Variants in FRYL observed in about 807,000 individuals in gnomAD.
FRYL encodes protein furry homolog-like.
Under a neutral mutation model 351.2 loss-of-function variants are expected in FRYL, and 150 were observed. The ratio of observed to expected loss-of-function variants is 0.43; its 90% CI spans 0.37 to 0.49. The LOEUF (loss-of-function observed/expected upper bound fraction) is 0.49, where lower values mean the gene tolerates loss of function less well. Among genes scored for constraint, FRYL ranks in the 20% least tolerant of loss-of-function variants. FRYL has a pLI of 0.00. For missense variants in FRYL, 3,036 were observed against 3,619.3 expected (o/e 0.84, Z 4.13); for synonymous variants, 1,153 against 1,257.1 (o/e 0.92, Z 1.75).
chr4:48,765,201 T>C lies in FRYL; in HGVS notation c.-384+14877A>G, dbSNP rs114901067. Among the ~76,000 whole-genome samples, 487 of 152,200 alleles carry C rather than the reference T, an allele frequency of 3.2e-3. 5 individuals are homozygous for C. Among genetic ancestry groups the C allele is most frequent in the African/African-American group, 0.011 (477 of 41,526 alleles). On this transcript the variant is annotated intron_variant, in intron 1 of 63. Coordinates refer to ENST00000358350, the MANE Select transcript of FRYL (RefSeq NM_015030.2). Reference sequence around the variant, plus strand: ...CAAAGGGCCCCAAATGCTAGAGCAATCTTGACCAAAAACAACAAAACTGAA... The same window carrying C: ...CAAAGGGCCCCAAATGCTAGAGCAACCTTGACCAAAAACAACAAAACTGAA...
intron 39 of FRYL, among the ~76,000 whole-genome samples, 180 bp from the exon 40 acceptor site, chr4:48,548,973 T>C (rs1314471729): frequency 2.6e-5 from 4 of 152,174 alleles, no homozygotes; most frequent in Non-Finnish European, 4.4e-5. Flanking sequence ...GTTAAAGAGA[T>C]GGAACAGAAC....
At chr4:48,587,888 T>C (rs1266729207) in intron 18 of FRYL, among the ~76,000 whole-genome samples, 2 of 152,164 alleles carry the variant, frequency 1.3e-5, no homozygotes, top group African/African-American at 2.4e-5. Context: ...ACCTAGAGAT[T>C]TCATATAGTC....
chr4:48,689,241 C>A (rs1765466525), intron 2 of FRYL, among the ~76,000 whole-genome samples: 1 of 152,152 alleles, frequency 6.6e-6, no homozygotes, highest in South Asian at 2.1e-4. Flanking sequence ...AGCAAATTTT[C>A]CATTCACAAT....
chr4:48,749,887 C>T (rs1773069438), intron 1 of FRYL, among the ~76,000 whole-genome samples: 2 of 152,138 alleles, frequency 1.3e-5, no homozygotes, highest in South Asian at 2.1e-4. Context: ...AACCCCAGTA[C>T]TTTGGGAGGT....
intron 1 of FRYL, among the ~76,000 whole-genome samples, chr4:48,775,296 A>G (rs761634790): frequency 6.6e-6 from 1 of 152,164 alleles, no homozygotes; most frequent in African/African-American, 2.4e-5. Context: ...CACATGTTCC[A>G]CTCTGCACTG....
At chr4:48,547,387 T>C in intron 41 of FRYL, 197 bp downstream of exon 41, 2 of 394,642 alleles carry the variant, frequency 5.1e-6, no homozygotes, top group African/African-American at 2.1e-5. Flanking sequence ...TCGTTCGAGG[T>C]AATGCAGACT....
Position 48,510,084 on chromosome 4 carries a change from T to C in FRYL, c.8369A>G (p.Asn2790Ser), listed in dbSNP as rs75272765. The C allele has an allele frequency of 3.0e-4, 489 of 1,613,278 alleles. 1 individual carries two copies. Among genetic ancestry groups the C allele is most frequent in the Non-Finnish European group, 3.9e-4 (465 of 1,179,316 alleles). ...LELQEHLDTY[N>S]VKREAAEQWL... ...CTGCTCAGCGGCTTCTCTTTTCACATTGTATGTATCCAGGTGTTCTTGCAA... is the reference window on the plus strand; with the variant it reads ...CTGCTCAGCGGCTTCTCTTTTCACACTGTATGTATCCAGGTGTTCTTGCAA... The change falls in exon 59 of 64, where the codon AAT (asparagine) becomes AGT (serine). Residue 2790 changes from asparagine (N) to serine (S), a missense_variant. By Grantham distance (46) the Asn-to-Ser change is conservative. Coordinates refer to ENST00000358350, the MANE Select transcript of FRYL (RefSeq NM_015030.2).
intron 3 of FRYL, among the ~76,000 whole-genome samples, chr4:48,655,576 C>A (rs1352959347): frequency 2.7e-5 from 4 of 150,392 alleles, no homozygotes; most frequent in African/African-American, 9.8e-5. Context: ...ATAATACAAT[C>A]CTCTTTTCAT....
rs1172688223 is a variant in FRYL, at chr4:48,549,337, A to G, written c.4784+136T>C. 7.4e-6 allele frequency: 4 copies of G among 543,648 alleles called. No homozygotes were observed. Among genetic ancestry groups the G allele is most frequent in the Non-Finnish European group, 1.2e-5 (4 of 339,532 alleles). The allele number at this position is 543,648 out of a possible 1,614,324, so 33.7% of individuals were successfully genotyped here. A position where few individuals can be genotyped will look rare whatever the true frequency, so the allele number is the denominator to read the frequency against. ...GAGTTTTTTAGATTTCTTAGAATCT[A>G]AACACATTGATCTGTGTTGCAGTAT... On this transcript the variant is annotated intron_variant, in intron 39 of 63. Transcript: ENST00000358350. The surrounding 1 kb of genome is among the most constrained non-coding windows in gnomAD (Gnocchi z 4.2).
intron 3 of FRYL, among the ~76,000 whole-genome samples, chr4:48,672,336 T>A (rs566695972): frequency 6.6e-6 from 1 of 152,148 alleles, no homozygotes; most frequent in South Asian, 2.1e-4. Context: ...CTGTAGGTAT[T>A]CCCAATATTC....
At chr4:48,610,115 G>A (rs560665894) in intron 7 of FRYL, among the ~76,000 whole-genome samples, 1 of 152,172 alleles carries the variant, frequency 6.6e-6, no homozygotes, top group East Asian at 1.9e-4. Flanking sequence ...TTTACTGTCA[G>A]CAAACTAAAA....
intron 19 of FRYL, among the ~76,000 whole-genome samples, chr4:48,585,051 A>AT (rs1419489819): frequency 6.6e-6 from 1 of 150,500 alleles, no homozygotes; most frequent in Non-Finnish European, 1.5e-5. Context: ...TTACAGTTTC[A>AT]TTTTGGTGGA....
intron 23 of FRYL, among the ~76,000 whole-genome samples, chr4:48,578,273 C>T (rs1345080547): frequency 6.6e-6 from 1 of 151,960 alleles, no homozygotes; most frequent in Non-Finnish European, 1.5e-5. Context: ...TGTAGGCCTC[C>T]AGTGATAGGT....
chr4:48,762,578 T>C (rs1173541087), intron 1 of FRYL, among the ~76,000 whole-genome samples: 1 of 152,234 alleles, frequency 6.6e-6, no homozygotes, highest in Non-Finnish European at 1.5e-5. Context: ...GGCAAATGTC[T>C]TTGATGTAAC....
In FRYL at chr4:48,593,920, AT is replaced by A. The variant is rs749302728; in HGVS notation, c.1335+9del. ...TAGGATTTTATATTATTACATTATAATTTTTTTACCTCTGGATTAATGGTGA... is the reference window on the plus strand; with the variant it reads ...TAGGATTTTATATTATTACATTATAATTTTTTACCTCTGGATTAATGGTGA... On this transcript the variant is annotated intron_variant, in intron 16 of 63. Transcript: ENST00000358350. The A allele has an allele frequency of 3.5e-5, 44 of 1,253,420 alleles. No individual in the cohort carries two copies. Among genetic ancestry groups the A allele is most frequent in the South Asian group, 5.3e-5 (3 of 56,718 alleles). 77.6% of individuals were successfully genotyped at this position (1,253,420 alleles called of 1,614,324 possible).
chr4:48,532,708 TAGAAATAATCATCATATTTTTTCTGAC>T (rs1406101420), intron 49 of FRYL, among the ~76,000 whole-genome samples: 1 of 152,152 alleles, frequency 6.6e-6, no homozygotes, highest in East Asian at 1.9e-4. Flanking sequence ...CATGACTAAG[TAGAAATAATCATCATATTTTTTCTGAC>T]AGAAATAATT....
intron 2 of FRYL, among the ~76,000 whole-genome samples, chr4:48,702,714 T>G (rs7682859): frequency 0.53 from 71,877 of 136,292 alleles, 18,753 homozygotes; most frequent in South Asian, 0.62. Context: ...TGAGAGGAGA[T>G]CGGGCCACTG....
chr4:48,521,147 A>C lies in FRYL; in HGVS notation c.7590T>G (p.Asp2530Glu). 6.2e-7 allele frequency: 1 copy of C among 1,613,610 alleles called. No individual in the cohort carries two copies. The stretch of plus-strand genomic sequence containing the variant: ...CCTCTGTTGTGATGCTGCCAGTGGA[A>C]TCTTCAGACTGGAGAAGTAAGTCAG... ...DHPDLLLQSE[D>E]STGSITTEEV... Residue 2530 changes from aspartate (D) to glutamate (E), a missense_variant, in exon 55 of 64, where the codon GAT (aspartate) becomes GAG (glutamate). Around this residue, in one of 7 missense-constraint regions of FRYL, gnomAD observed 1,987 missense variants for 2,311.7 expected, o/e 0.86. Coordinates refer to ENST00000358350, the MANE Select transcript of FRYL (RefSeq NM_015030.2).
At chr4:48,671,858 CAAAAAAAAAAAAAACAAAAA>C (rs1163341525) in intron 3 of FRYL, among the ~76,000 whole-genome samples, 12 of 22,402 alleles carry the variant, frequency 5.4e-4, no homozygotes, top group African/African-American at 7.9e-4. Flanking sequence ...GTCTCAAAAA[CAAAAAAAAAAAAAACAAAAA>C]AAAAAAAAAA....
Sources: gnomAD v4.1 joint callset for allele counts (sites outside exome capture counted in the v4.1 genomes callset) on GRCh38, gnomAD v4.1.1 for gene constraint, gnomAD v4.1.1 regional missense constraint, Gnocchi (gnomAD v3.1) non-coding constraint, MANE v1.5 for transcripts, NCBI Gene and HGNC (gene_info 2026-07-23, HGNC 2026-07-21) for gene names.